MARCHF11: variants seen among roughly 807,000 people sequenced by gnomAD.
MARCHF11 encodes the protein membrane associated ring-CH-type finger 11.
A neutral mutation model predicts 37.3 loss-of-function variants in MARCHF11; 29 were observed. The ratio of observed to expected loss-of-function variants is 0.78; its 90% CI spans 0.58 to 1.06. MARCHF11 has a LOEUF of 1.06. Ranked by LOEUF, MARCHF11 falls within the 50% of genes least tolerant of loss-of-function variation. MARCHF11 has a pLI of 0.00. For missense variants in MARCHF11, 482 were observed against 533.4 expected, an observed-to-expected ratio of 0.90 and a Z score of 0.95; for synonymous variants, 233 against 228.0, an observed-to-expected ratio of 1.02 and a Z score of -0.20.
At chr5:16,170,045 T>G (rs965858918) in intron 2 of MARCHF11, among the ~76,000 whole-genome samples, 3 of 152,230 alleles carry the variant, frequency 2.0e-5, no homozygotes, top group East Asian at 3.9e-4. Context: ...GAGTATTGTA[T>G]TCACCGGTGG....
At chr5:16,138,364 G>C (rs1737643252) in intron 2 of MARCHF11, among the ~76,000 whole-genome samples, 1 of 152,196 alleles carries the variant, frequency 6.6e-6, no homozygotes, top group Non-Finnish European at 1.5e-5. Context: ...GTGGTGTTGG[G>C]CCCGCAAGTG....
intron 2 of MARCHF11, among the ~76,000 whole-genome samples, chr5:16,093,593 T>C (rs1031984120): frequency 6.6e-6 from 1 of 152,044 alleles, no homozygotes; most frequent in East Asian, 1.9e-4. Context: ...ACACATGAGG[T>C]GTGGCTGCTT....
rs1435584007 is a variant in MARCHF11, at chr5:16,161,264, A to G, written c.693+16462T>C. Among the ~76,000 whole-genome samples the G allele has an allele frequency of 2.7e-5, 4 of 146,656 alleles. No homozygotes were observed. The Admixed American group carries it at 2.8e-4, about 10-fold the overall frequency. On this transcript the variant is annotated intron_variant, in intron 2 of 3. Coordinates refer to ENST00000332432, the MANE Select transcript of MARCHF11 (RefSeq NM_001102562.3). ...ACTATGAAAGCAATCAGCCAAATTC[A>G]GGAAACCCAGACAAGGCCTCCATGG...
At chr5:16,146,308 C>G (rs887053866) in intron 2 of MARCHF11, among the ~76,000 whole-genome samples, 32 of 152,138 alleles carry the variant, frequency 2.1e-4, no homozygotes, top group African/African-American at 7.7e-4. Flanking sequence ...GAAGTCGACA[C>G]CTGTTACTCA....
intron 2 of MARCHF11, among the ~76,000 whole-genome samples, chr5:16,100,097 TG>T (rs529855927): frequency 4.9e-4 from 75 of 152,228 alleles, no homozygotes; most frequent in African/African-American, 1.7e-3. Context: ...TGGGTTACAC[TG>T]GGGGTTCCTG....
rs555702144 is a variant in MARCHF11 at position 16,142,555 on chromosome 5, G to A, written c.693+35171C>T. Among the ~76,000 whole-genome samples, 10 of 152,194 alleles carry A rather than the reference G, an allele frequency of 6.6e-5. No individual in the cohort carries two copies. The South Asian group carries it at 8.3e-4, about 13-fold the overall frequency. On this transcript the variant is annotated intron_variant, in intron 2 of 3. Transcript: ENST00000332432. The stretch of plus-strand genomic sequence containing the variant: ...CCTGCAAGTTCTGGATCCAGGTTTC[G>A]AGGGAGTATGGTGAGCTGTACAGTC...
intron 3 of MARCHF11, among the ~76,000 whole-genome samples, chr5:16,076,395 G>T (rs1736519095): frequency 1.3e-5 from 2 of 151,984 alleles, no homozygotes; most frequent in African/African-American, 4.8e-5. Flanking sequence ...CCATGGATAT[G>T]TTTTTTCAAT....
intron 2 of MARCHF11, among the ~76,000 whole-genome samples, chr5:16,165,547 G>C (rs962054397): frequency 1.3e-5 from 2 of 151,972 alleles, no homozygotes; most frequent in Non-Finnish European, 2.9e-5. Context: ...GACTTACCCT[G>C]TTTATTCTTC....
intron 2 of MARCHF11, among the ~76,000 whole-genome samples, chr5:16,168,624 G>A (rs1468206255): frequency 6.6e-6 from 1 of 152,108 alleles, no homozygotes; most frequent in Non-Finnish European, 1.5e-5. Flanking sequence ...AGAATGCCAT[G>A]CAGGCAAAGA....
At chr5:16,149,490 A>G (rs1737854558) in intron 2 of MARCHF11, among the ~76,000 whole-genome samples, 1 of 152,068 alleles carries the variant, frequency 6.6e-6, no homozygotes, top group South Asian at 2.1e-4. Flanking sequence ...GGTAATATCT[A>G]CTAAAGCCAT....
chr5:16,148,339 T>G (rs1036507622), intron 2 of MARCHF11, among the ~76,000 whole-genome samples: 7 of 152,098 alleles, frequency 4.6e-5, no homozygotes, highest in Non-Finnish European at 8.8e-5. Flanking sequence ...AGATACCCCT[T>G]AGAAATTAAC....
At position 16,091,009 on chromosome 5, in the gene MARCHF11, T is replaced by C. The variant is rs910509604; in HGVS notation, c.766A>G (p.Ile256Val). 9 of 1,611,830 alleles carry C rather than the reference T, an allele frequency of 5.6e-6. No individual in the cohort carries two copies. Among genetic ancestry groups the C allele is most frequent in the East Asian group, 2.2e-5 (1 of 44,822 alleles). The stretch of plus-strand genomic sequence containing the variant: ...CAGAGGAGCCAAGTCACACTGGCTA[T>C]TAAGAACAGGGATCCTAGGATTACA... ...IAVILGSLFL[I>V]ASVTWLLWSA... Residue 256 changes from isoleucine (I) to valine (V), a missense_variant, in exon 3 of 4, where the codon ATA (isoleucine) becomes GTA (valine). Physicochemically the swap from Ile to Val is conservative, Grantham distance 29. Transcript: ENST00000332432.
At chr5:16,169,783 T>C (rs894062470) in intron 2 of MARCHF11, among the ~76,000 whole-genome samples, 8 of 152,278 alleles carry the variant, frequency 5.3e-5, no homozygotes. Flanking sequence ...CATTTACTTG[T>C]AATTGCAGGT....
intron 2 of MARCHF11, among the ~76,000 whole-genome samples, chr5:16,154,479 T>C (rs960411521): frequency 1.3e-5 from 2 of 151,962 alleles, no homozygotes; most frequent in Admixed American, 1.3e-4. Flanking sequence ...AAATTAGTAA[T>C]ACAAAGGTAA....
intron 2 of MARCHF11, among the ~76,000 whole-genome samples, chr5:16,122,432 T>C (rs1737326116): frequency 6.6e-6 from 1 of 152,176 alleles, no homozygotes; most frequent in Non-Finnish European, 1.5e-5. Context: ...ACATGTGTGG[T>C]CTTTGTGTTT....
At chr5:16,092,494 T>C (rs1050730585) in intron 2 of MARCHF11, among the ~76,000 whole-genome samples, 1 of 152,160 alleles carries the variant, frequency 6.6e-6, no homozygotes, top group Non-Finnish European at 1.5e-5. Context: ...CAATTCCGAA[T>C]GAATAATAAT....
At chr5:16,177,608 G>T in intron 2 of MARCHF11, 118 bp downstream of exon 2, 1 of 866,264 alleles carries the variant, frequency 1.2e-6, no homozygotes, top group Non-Finnish European at 1.6e-6. Flanking sequence ...TGGTTTTAGT[G>T]TAATTTTCAC....
intron 3 of MARCHF11, among the ~76,000 whole-genome samples, chr5:16,075,402 C>T (rs1736500401): frequency 6.6e-6 from 1 of 152,122 alleles, no homozygotes; most frequent in Non-Finnish European, 1.5e-5. Flanking sequence ...CTACTGCCCA[C>T]CACTCTACAC....
intron 2 of MARCHF11, among the ~76,000 whole-genome samples, chr5:16,115,171 A>C (rs1222707090): frequency 6.6e-6 from 1 of 152,246 alleles, no homozygotes; most frequent in Non-Finnish European, 1.5e-5. Context: ...ACTTAAAATG[A>C]AGTATCGAGC....
Sources: gnomAD v4.1 joint callset for allele counts (sites outside exome capture counted in the v4.1 genomes callset) on GRCh38, gnomAD v4.1.1 for gene constraint, MANE v1.5 for transcripts, NCBI Gene and HGNC (gene_info 2026-07-23, HGNC 2026-07-21) for gene names.